CHEK2: variants seen among roughly 807,000 people sequenced by gnomAD.
CHEK2 encodes checkpoint kinase 2, also known as serine/threonine-protein kinase Chk2.
In CHEK2, 71 loss-of-function variants were observed where a neutral mutation model predicts 69.1. The ratio of observed to expected loss-of-function variants is 1.03; its 90% CI spans 0.85 to 1.25. CHEK2 has a LOEUF of 1.25. CHEK2 is among the 50% of genes most tolerant of loss of function. CHEK2 has a pLI of 0.00. For synonymous variants in CHEK2, 189 were observed against 226.9 expected, an observed-to-expected ratio of 0.83 and a Z score of 1.50; for missense variants, 664 against 649.6, an observed-to-expected ratio of 1.02 and a Z score of -0.24.
intron 13 of CHEK2, among the ~76,000 whole-genome samples, chr22:28,693,680 G>A (rs569085924): frequency 2.0e-5 from 3 of 152,200 alleles, no homozygotes; most frequent in South Asian, 2.1e-4. Flanking sequence ...CCAGCACGGC[G>A]AAACCCCATC....
intron 5 of CHEK2, among the ~76,000 whole-genome samples, chr22:28,713,990 G>T (rs1379260098): frequency 6.6e-6 from 1 of 152,172 alleles, no homozygotes; most frequent in Non-Finnish European, 1.5e-5. Context: ...CTGGACACTT[G>T]TTTTTTAAAT....
chr22:28,705,186 C>G (rs2053069907), intron 7 of CHEK2, among the ~76,000 whole-genome samples: 1 of 151,064 alleles, frequency 6.6e-6, no homozygotes, highest in Non-Finnish European at 1.5e-5. Flanking sequence ...TCACGCCATT[C>G]TCCTGCCTCA....
chr22:28,741,044 G>A (rs1373039536), intron 1 of CHEK2, among the ~76,000 whole-genome samples: 1 of 151,064 alleles, frequency 6.6e-6, no homozygotes, highest in Non-Finnish European at 1.5e-5. Flanking sequence ...CAGATACTTA[G>A]GAGGCTGAGG....
chr22:28,704,653 G>A (rs902046505), intron 7 of CHEK2, among the ~76,000 whole-genome samples: 3 of 152,046 alleles, frequency 2.0e-5, no homozygotes, highest in Non-Finnish European at 4.4e-5. Flanking sequence ...TTGTTTTTAC[G>A]ATACAGAAGT....
At chr22:28,720,688 G>C (rs2053744416) in intron 4 of CHEK2, among the ~76,000 whole-genome samples, 1 of 152,158 alleles carries the variant, frequency 6.6e-6, no homozygotes, top group South Asian at 2.1e-4. Context: ...ATTCAGGCTG[G>C]TACACAAGAG....
chr22:28,701,314 G>C (rs575723828), intron 8 of CHEK2, among the ~76,000 whole-genome samples: 1 of 151,966 alleles, frequency 6.6e-6, no homozygotes, highest in Non-Finnish European at 1.5e-5. Flanking sequence ...AGGTTCAAGC[G>C]ATTCTCCACG....
rs374623367 is a variant in CHEK2, at chr22:28,708,952, C to CAAAA, written c.846+1050_846+1053dup. ...TGGGTGACAGAGCGAGCCTCCGTCTCAAAAAAAAAAAAAAAAAAAAAACAA... is the reference window on the plus strand; with the variant it reads ...TGGGTGACAGAGCGAGCCTCCGTCTCAAAAAAAAAAAAAAAAAAAAAAAAAACAA... On this transcript the variant is annotated intron_variant, in intron 7 of 14. Coordinates refer to ENST00000404276, the MANE Select transcript of CHEK2 (RefSeq NM_007194.4). The CAAAA allele has an allele frequency of 2.9e-3, 948 of 329,748 alleles. 1 individual carries two copies. The highest frequency in any genetic ancestry group is 3.2e-3 in the Non-Finnish European group (558 of 173,576). The allele number at this position is 329,748 out of a possible 1,614,324, so 20.4% of individuals were successfully genotyped here.
chr22:28,688,505 CT>C (rs2052213580), intron 14 of CHEK2, among the ~76,000 whole-genome samples: 5 of 152,154 alleles, frequency 3.3e-5, no homozygotes, highest in Non-Finnish European at 7.3e-5. Context: ...CCCATCTCAC[CT>C]AAAAATTCAA....
intron 4 of CHEK2, among the ~76,000 whole-genome samples, chr22:28,723,282 C>T (rs1308875655): frequency 6.6e-6 from 1 of 152,176 alleles, no homozygotes; most frequent in Non-Finnish European, 1.5e-5. Flanking sequence ...GAAGCACTCA[C>T]AGCCTAGTAC....
At chr22:28,722,816 A>G (rs1338888325) in intron 4 of CHEK2, among the ~76,000 whole-genome samples, 1 of 152,106 alleles carries the variant, frequency 6.6e-6, no homozygotes, top group African/African-American at 2.4e-5. Context: ...TCCTGGGCTC[A>G]AGGGATCCTC....
chr22:28,732,104 G>A (rs186350548), intron 2 of CHEK2, among the ~76,000 whole-genome samples: 33 of 151,360 alleles, frequency 2.2e-4, no homozygotes, highest in Middle Eastern at 3.4e-3. Flanking sequence ...ACAACGCCCC[G>A]CAAATTTTTT....
At chr22:28,732,964 G>A (rs1342197955) in intron 2 of CHEK2, among the ~76,000 whole-genome samples, 4 of 152,090 alleles carry the variant, frequency 2.6e-5, no homozygotes, top group Non-Finnish European at 4.4e-5. Flanking sequence ...GCTAATTTTT[G>A]TATTTTCAGG....
At chr22:28,732,444 C>G (rs1196939435) in intron 2 of CHEK2, among the ~76,000 whole-genome samples, 1 of 151,768 alleles carries the variant, frequency 6.6e-6, no homozygotes, top group Non-Finnish European at 1.5e-5. Context: ...ACAGGGTTTC[C>G]CCATGTTGGC....
rs1300388084 is a variant in CHEK2 at position 28,699,839 on chromosome 22, T to C, written c.1007A>G (p.Gln336Arg). 1 of 1,609,912 alleles carries C rather than the reference T, an allele frequency of 6.2e-7. No individual in the cohort carries two copies. Among genetic ancestry groups the C allele is most frequent in the South Asian group, 1.1e-5 (1 of 90,994 alleles). ...LYFYQMLLAV[Q>R]YLHENGIIHR... ...AAAAGAATTGAGGGCTTCTTTTACC[T>C]GCACAGCCAAGAGCATCTGGTAAAA... is the stretch of plus-strand genomic sequence containing the variant. Residue 336 changes from glutamine to arginine, a missense_variant and splice_region_variant, in exon 9 of 15, where the codon CAG becomes CGG. Transcript: ENST00000404276.
chr22:28,698,448 A>C (rs1249506178), intron 9 of CHEK2, among the ~76,000 whole-genome samples: 1 of 152,096 alleles, frequency 6.6e-6, no homozygotes, highest in Non-Finnish European at 1.5e-5. Flanking sequence ...TATGGGCTTC[A>C]ATCTTCTCTG....
At chr22:28,701,858 G>A (rs141871543) in intron 8 of CHEK2, among the ~76,000 whole-genome samples, 2 of 152,234 alleles carry the variant, frequency 1.3e-5, no homozygotes, top group African/African-American at 4.8e-5. Context: ...ATTGGTTCCA[G>A]GAGCTCTCTC....
At chr22:28,697,565 C>A (rs2052642292) in intron 9 of CHEK2, among the ~76,000 whole-genome samples, 1 of 150,634 alleles carries the variant, frequency 6.6e-6, no homozygotes, top group Non-Finnish European at 1.5e-5. Context: ...CTTTTCTTTT[C>A]TTTTCTCTTT....
chr22:28,714,354 T>G (rs758985254), intron 5 of CHEK2, among the ~76,000 whole-genome samples: 10 of 152,146 alleles, frequency 6.6e-5, no homozygotes, highest in Non-Finnish European at 1.0e-4. Flanking sequence ...TTTTGGCCAT[T>G]GTATGTGTTC....
chr22:28,734,770 A>G (rs375865563), intron 1 of CHEK2, 43 bp from the exon 2 acceptor site: 16 of 1,552,694 alleles, frequency 1.0e-5, no homozygotes, highest in Non-Finnish European at 1.3e-5. Context: ...GTTTCAAGGC[A>G]CAAGACTTAA....
Sources: allele counts gnomAD v4.1 joint callset (sites outside exome capture counted in the v4.1 genomes callset), GRCh38; gene constraint gnomAD v4.1.1; transcripts MANE v1.5; gene names NCBI Gene and HGNC (gene_info 2026-07-23, HGNC 2026-07-21).